The following LRRC4C variants were observed in gnomAD, a reference collection of about 807,000 sequenced individuals.
LRRC4C encodes leucine-rich repeat-containing protein 4C.
A neutral mutation model predicts 33.6 loss-of-function variants in LRRC4C; 5 were observed. That is an observed-to-expected ratio of 0.15 (90% confidence interval 0.08 to 0.31). LRRC4C has a LOEUF of 0.31. Among genes scored for constraint, LRRC4C ranks in the 10% least tolerant of loss-of-function variants. LRRC4C has a pLI of 1.00. For missense variants in LRRC4C, 560 were observed against 796.7 expected, an observed-to-expected ratio of 0.70 and a Z score of 3.58; for synonymous variants, 329 against 302.0, an observed-to-expected ratio of 1.09 and a Z score of -0.93.
intron 1 of LRRC4C, among the ~76,000 whole-genome samples, chr11:41,085,199 G>A (rs568691349): frequency 6.6e-6 from 1 of 152,230 alleles, no homozygotes; most frequent in Admixed American, 6.5e-5. Context: ...TCAAGAATGA[G>A]AATGACAAAT....
At chr11:40,767,885 A>C (rs1212517310) in intron 2 of LRRC4C, among the ~76,000 whole-genome samples, 1 of 152,054 alleles carries the variant, frequency 6.6e-6, no homozygotes, top group African/African-American at 2.4e-5. Context: ...ACTTCCAATA[A>C]ACAACTTAAT....
intron 5 of LRRC4C, among the ~76,000 whole-genome samples, chr11:40,156,761 A>G (rs1290239140): frequency 6.6e-6 from 1 of 152,194 alleles, no homozygotes; most frequent in Non-Finnish European, 1.5e-5. Context: ...GAAAAAAATC[A>G]TAGATGACAC....
chr11:40,381,027 C>T (rs142523284), intron 3 of LRRC4C, among the ~76,000 whole-genome samples: 15 of 152,208 alleles, frequency 9.9e-5, no homozygotes, highest in African/African-American at 3.4e-4. Context: ...CACATTGTTT[C>T]CCTAACAACC....
At chr11:40,723,586 C>T (rs894795567) in intron 2 of LRRC4C, among the ~76,000 whole-genome samples, 1 of 152,046 alleles carries the variant, frequency 6.6e-6, no homozygotes, top group Non-Finnish European at 1.5e-5. Flanking sequence ...ACTAGACTGG[C>T]CTTATAAGAG....
intron 1 of LRRC4C, among the ~76,000 whole-genome samples, chr11:41,378,311 A>C (rs2922050): frequency 0.27 from 41,515 of 152,060 alleles, 6,804 homozygotes; most frequent in East Asian, 0.37. Flanking sequence ...GAAAAGTTTT[A>C]CAATGTAAAT....
chr11:40,570,574 G>A (rs1246080813), intron 3 of LRRC4C, among the ~76,000 whole-genome samples: 1 of 152,138 alleles, frequency 6.6e-6, no homozygotes, highest in East Asian at 1.9e-4. Flanking sequence ...TTTAAGGGGT[G>A]AAGAAAATAA....
intron 3 of LRRC4C, among the ~76,000 whole-genome samples, chr11:40,348,002 G>GCCCC (rs1947212496): frequency 6.6e-6 from 1 of 152,180 alleles, no homozygotes; most frequent in Non-Finnish European, 1.5e-5. Context: ...CCAGAAAAGG[G>GCCCC]AGAGATATGA....
At chr11:40,349,162 A>G (rs1341832255) in intron 3 of LRRC4C, among the ~76,000 whole-genome samples, 1 of 152,094 alleles carries the variant, frequency 6.6e-6, no homozygotes, top group Non-Finnish European at 1.5e-5. Context: ...ACTAGATTTT[A>G]TTCATTCTAA....
intron 4 of LRRC4C, among the ~76,000 whole-genome samples, chr11:40,249,730 G>C (rs987044321): frequency 4.6e-5 from 7 of 151,908 alleles, no homozygotes; most frequent in African/African-American, 1.5e-4. Flanking sequence ...TAAGGTCTCT[G>C]TTCCCTAAAA....
chr11:41,087,898 T>A (rs1017434680), intron 1 of LRRC4C, among the ~76,000 whole-genome samples: 1 of 152,196 alleles, frequency 6.6e-6, no homozygotes, highest in East Asian at 1.9e-4. Flanking sequence ...TATTTGACTA[T>A]ATAAGTTGTT....
intron 1 of LRRC4C, among the ~76,000 whole-genome samples, chr11:41,087,036 G>T (rs1940047533): frequency 6.6e-6 from 1 of 152,074 alleles, no homozygotes; most frequent in Admixed American, 6.6e-5. Flanking sequence ...TGCACCAGAA[G>T]AATGTGTCCT....
chr11:40,440,725 C>T (rs1313525421), intron 3 of LRRC4C, among the ~76,000 whole-genome samples: 1 of 151,898 alleles, frequency 6.6e-6, no homozygotes, highest in South Asian at 2.1e-4. Flanking sequence ...ATCTGAAAAC[C>T]CAGCTTTATT....
intron 2 of LRRC4C, among the ~76,000 whole-genome samples, chr11:40,651,960 G>A (rs1942830885): frequency 6.6e-6 from 1 of 152,150 alleles, no homozygotes; most frequent in African/African-American, 2.4e-5. Flanking sequence ...TGTTCATTTT[G>A]TATCTGTATG....
intron 1 of LRRC4C, among the ~76,000 whole-genome samples, chr11:41,067,294 A>G (rs926025471): frequency 2.6e-5 from 4 of 152,228 alleles, no homozygotes; most frequent in Non-Finnish European, 5.9e-5. Context: ...TAGACTTTAA[A>G]CTAACAAACA....
intron 4 of LRRC4C, among the ~76,000 whole-genome samples, chr11:40,278,019 T>C (rs183824675): frequency 1.3e-5 from 2 of 152,312 alleles, no homozygotes; most frequent in Non-Finnish European, 1.5e-5. Context: ...TGTTCTCCCA[T>C]AGCTTTGAGA....
chr11:40,503,304 A>T (rs760470981), intron 3 of LRRC4C, among the ~76,000 whole-genome samples: 1 of 152,198 alleles, frequency 6.6e-6, no homozygotes, highest in Non-Finnish European at 1.5e-5. Context: ...CATCTAACAC[A>T]GTGTTCATGC....
intron 1 of LRRC4C, among the ~76,000 whole-genome samples, chr11:41,259,039 G>A (rs570425189): frequency 6.6e-6 from 1 of 151,976 alleles, no homozygotes; most frequent in Non-Finnish European, 1.5e-5. Flanking sequence ...TTGCTAAAAA[G>A]CATCCGTAAG....
intron 2 of LRRC4C, among the ~76,000 whole-genome samples, chr11:40,916,723 TAAA>T (rs1369030111): frequency 6.6e-6 from 1 of 151,138 alleles, no homozygotes; most frequent in Non-Finnish European, 1.5e-5. Flanking sequence ...AAAATAAAAA[TAAA>T]AATAAAAAAA....
chr11:40,648,490 G>C (rs981664707), intron 2 of LRRC4C, among the ~76,000 whole-genome samples: 14 of 152,036 alleles, frequency 9.2e-5, no homozygotes, highest in Non-Finnish European at 1.8e-4. Flanking sequence ...TGTAAATACA[G>C]TTACACCTAG....
Sources: allele counts gnomAD v4.1 joint callset (sites outside exome capture counted in the v4.1 genomes callset), GRCh38; gene constraint gnomAD v4.1.1; transcripts MANE v1.5; gene names NCBI Gene and HGNC (gene_info 2026-07-23, HGNC 2026-07-21).